NRG3: variants seen among roughly 807,000 people sequenced by gnomAD.
The protein encoded by NRG3 is pro-neuregulin-3, membrane-bound isoform.
A neutral mutation model predicts 66.9 loss-of-function variants in NRG3; 31 were observed. The ratio of observed to expected loss-of-function variants is 0.46; its 90% CI spans 0.35 to 0.63. The LOEUF (loss-of-function observed/expected upper bound fraction) is 0.63. Among genes scored for constraint, NRG3 ranks in the 20% least tolerant of loss-of-function variants. The pLI, the probability that NRG3 is intolerant of heterozygous loss-of-function variation, is 0.00. For missense variants in NRG3, 910 were observed against 878.9 expected, an observed-to-expected ratio of 1.04 and a Z score of -0.45; for synonymous variants, 393 against 359.4, an observed-to-expected ratio of 1.09 and a Z score of -1.06.
intron 1 of NRG3, among the ~76,000 whole-genome samples, chr10:82,290,321 G>T (rs779462678): frequency 6.6e-6 from 1 of 152,152 alleles, no homozygotes; most frequent in Admixed American, 6.5e-5. Context: ...TATTTGTTCA[G>T]TGCTCTCACT....
At chr10:82,962,598 G>T (rs2132476371) in intron 6 of NRG3, among the ~76,000 whole-genome samples, 1 of 152,246 alleles carries the variant, frequency 6.6e-6, no homozygotes, top group Non-Finnish European at 1.5e-5. Flanking sequence ...CAGCACTTTG[G>T]GAGGCCAAAG....
intron 4 of NRG3, among the ~76,000 whole-genome samples, chr10:82,930,646 G>GT (rs1160047077): frequency 1.3e-5 from 2 of 152,166 alleles, no homozygotes; most frequent in Admixed American, 1.3e-4. Context: ...ATGTTATATA[G>GT]TTTTTTCCAT....
chr10:82,717,293 G>T (rs1389402210), intron 2 of NRG3, among the ~76,000 whole-genome samples: 1 of 150,544 alleles, frequency 6.6e-6, no homozygotes, highest in African/African-American at 2.5e-5. Flanking sequence ...GGAATACTAT[G>T]TAAGCAATGT....
intron 1 of NRG3, among the ~76,000 whole-genome samples, chr10:81,967,564 AT>A: frequency 6.6e-6 from 1 of 152,172 alleles, no homozygotes; most frequent in East Asian, 1.9e-4. Flanking sequence ...TATTCTCTAT[AT>A]TTTTATTTAT....
At chr10:81,938,227 A>C (rs1048635244) in intron 1 of NRG3, among the ~76,000 whole-genome samples, 1 of 152,040 alleles carries the variant, frequency 6.6e-6, no homozygotes, top group African/African-American at 2.4e-5. Context: ...TTTAGATGTC[A>C]TAAGAATTTT....
At chr10:82,007,946 C>G (rs1284040569) in intron 1 of NRG3, among the ~76,000 whole-genome samples, 1 of 108,544 alleles carries the variant, frequency 9.2e-6, no homozygotes, top group Non-Finnish European at 2.3e-5. Context: ...TTCTCTACCT[C>G]TCTCAGAAAC....
chr10:82,658,145 C>T (rs1359578989), intron 2 of NRG3, among the ~76,000 whole-genome samples: 2 of 151,960 alleles, frequency 1.3e-5, no homozygotes, highest in African/African-American at 4.8e-5. Flanking sequence ...TTCAAAAGTC[C>T]TTAATTATTT....
chr10:82,426,293 A>G (rs187328151), intron 2 of NRG3, among the ~76,000 whole-genome samples: 115 of 152,186 alleles, frequency 7.6e-4, no homozygotes, highest in African/African-American at 2.2e-3. Flanking sequence ...AGGAATTTTA[A>G]TTTCTCATTA....
intron 2 of NRG3, among the ~76,000 whole-genome samples, chr10:82,653,052 G>T (rs978864627): frequency 5.9e-5 from 9 of 152,134 alleles, no homozygotes; most frequent in Admixed American, 5.2e-4. Context: ...ATAGCATGTT[G>T]GGCAGTAAAG....
chr10:82,698,898 C>A (rs2055614436), intron 2 of NRG3, among the ~76,000 whole-genome samples: 1 of 152,144 alleles, frequency 6.6e-6, no homozygotes, highest in Non-Finnish European at 1.5e-5. Context: ...TATATTTTTT[C>A]TACTATACCA....
intron 2 of NRG3, among the ~76,000 whole-genome samples, chr10:82,431,487 A>G (rs891610815): frequency 1.3e-5 from 2 of 152,186 alleles, no homozygotes; most frequent in Non-Finnish European, 2.9e-5. Context: ...TAGCATTTGT[A>G]TAAGCCTTTA....
At chr10:82,102,093 CAT>C (rs377044331) in intron 1 of NRG3, among the ~76,000 whole-genome samples, 9,056 of 108,866 alleles carry the variant, frequency 0.083, 718 homozygotes, top group East Asian at 0.23. Flanking sequence ...TATGTGTATT[CAT>C]ATATATATAT....
intron 1 of NRG3, among the ~76,000 whole-genome samples, chr10:81,926,360 A>G (rs1463392699): frequency 2.0e-5 from 3 of 151,980 alleles, no homozygotes; most frequent in Non-Finnish European, 1.5e-5. Context: ...ACGTCAAGTA[A>G]TACATCCGCC....
At chr10:82,632,285 T>C (rs1450098109) in intron 2 of NRG3, among the ~76,000 whole-genome samples, 3 of 152,226 alleles carry the variant, frequency 2.0e-5, no homozygotes, top group African/African-American at 7.2e-5. Flanking sequence ...TCTGGGCTAC[T>C]ATTTCATAGA....
intron 2 of NRG3, among the ~76,000 whole-genome samples, chr10:82,463,937 T>C (rs537999978): frequency 6.6e-6 from 1 of 152,334 alleles, no homozygotes; most frequent in Admixed American, 6.5e-5. Flanking sequence ...ATTAACTTCT[T>C]GCCCTGCCAA....
At chr10:82,597,873 A>G (rs1052950952) in intron 2 of NRG3, among the ~76,000 whole-genome samples, 2 of 151,250 alleles carry the variant, frequency 1.3e-5, no homozygotes, top group Non-Finnish European at 2.9e-5. Flanking sequence ...GTGAGCCGAG[A>G]TCGCGCCATT....
chr10:82,106,061 T>C (rs914312351), intron 1 of NRG3, among the ~76,000 whole-genome samples: 2 of 152,206 alleles, frequency 1.3e-5, no homozygotes, highest in African/African-American at 4.8e-5. Context: ...TTCCAATACT[T>C]TCCACTAACC....
chr10:82,320,223 T>C (rs1311871583), intron 1 of NRG3, among the ~76,000 whole-genome samples: 1 of 152,172 alleles, frequency 6.6e-6, no homozygotes, highest in Non-Finnish European at 1.5e-5. Context: ...TGTAACCATA[T>C]TGGATAATTT....
chr10:82,229,114 C>T (rs12774832), intron 1 of NRG3: 6 of 152,172 alleles, frequency 3.9e-5, no homozygotes, highest in African/African-American at 2.4e-5. Context: ...CTCTGACCCT[C>T]CTCCCATAGT....
Sources: gnomAD v4.1 joint callset for allele counts (sites outside exome capture counted in the v4.1 genomes callset) on GRCh38, gnomAD v4.1.1 for gene constraint, MANE v1.5 for transcripts, NCBI Gene and HGNC (gene_info 2026-07-23, HGNC 2026-07-21) for gene names.